Variants in PCDH7 observed in about 807,000 individuals in gnomAD.
PCDH7 encodes protocadherin-7.
In PCDH7, 17 loss-of-function variants were observed where a neutral mutation model predicts 58.9. The ratio of observed to expected loss-of-function variants is 0.29; its 90% CI spans 0.20 to 0.43. PCDH7 has a LOEUF of 0.43. Ranked by LOEUF, PCDH7 falls within the 20% of genes least tolerant of loss-of-function variation. PCDH7 has a pLI of 1.00. For synonymous variants in PCDH7, 664 were observed against 616.4 expected (o/e 1.08, Z -1.14); for missense variants, 1,274 against 1,441.0 (o/e 0.88, Z 1.88).
chr4:31,145,616 T>C (rs533513406), downstream of PCDH7: 1 of 152,238 alleles, frequency 6.6e-6, no homozygotes, highest in East Asian at 1.9e-4. Flanking sequence ...TATTTGTCCA[T>C]GTTTATTTTC....
chr4:31,089,295 A>C (rs1712910454), intron 3 of PCDH7, among the ~76,000 whole-genome samples: 1 of 152,124 alleles, frequency 6.6e-6, no homozygotes, highest in Admixed American at 6.6e-5. Context: ...ATATTTTAGG[A>C]ATAGAAAAAG....
At chr4:30,767,559 A>G (rs1186509500) in intron 1 of PCDH7, among the ~76,000 whole-genome samples, 3 of 152,206 alleles carry the variant, frequency 2.0e-5, no homozygotes, top group Non-Finnish European at 4.4e-5. Flanking sequence ...CAGGACAGAG[A>G]TGGTAACAAG....
intron 1 of PCDH7, among the ~76,000 whole-genome samples, chr4:30,741,793 G>A (rs545753974): frequency 2.0e-4 from 30 of 152,306 alleles, no homozygotes; most frequent in African/African-American, 7.2e-4. Context: ...AATCTGGCTC[G>A]ATTTGGAAAG....
intron 1 of PCDH7, among the ~76,000 whole-genome samples, chr4:30,752,312 TTAG>T (rs1425924292): frequency 6.6e-6 from 1 of 152,150 alleles, no homozygotes; most frequent in East Asian, 1.9e-4. Flanking sequence ...TTTCGTATTT[TTAG>T]TAGAGACGGG....
chr4:30,737,548 G>A (rs920905760), downstream of PCDH7, among the ~76,000 whole-genome samples: 27 of 152,270 alleles, frequency 1.8e-4, no homozygotes, highest in Middle Eastern at 3.4e-3. Flanking sequence ...GTGTGTGTGT[G>A]TGTGTGTATG....
downstream of PCDH7, among the ~76,000 whole-genome samples, chr4:30,736,948 C>T (rs1716390461): frequency 3.3e-5 from 5 of 152,158 alleles, no homozygotes; most frequent in African/African-American, 1.2e-4. Flanking sequence ...CCCTATTCTC[C>T]ATTCTGATTG....
At chr4:30,812,554 T>A (rs1348055173) in intron 1 of PCDH7, among the ~76,000 whole-genome samples, 4 of 152,134 alleles carry the variant, frequency 2.6e-5, no homozygotes, top group African/African-American at 9.6e-5. Context: ...GTAATACAAT[T>A]CATATTGATG....
intron 1 of PCDH7, among the ~76,000 whole-genome samples, chr4:30,739,326 T>C (rs928749596): frequency 6.6e-6 from 1 of 151,446 alleles, no homozygotes; most frequent in Non-Finnish European, 1.5e-5. Context: ...TTCTAAGAAG[T>C]ACCTTTCTAA....
chr4:30,856,938 T>A (rs945663667), intron 1 of PCDH7, among the ~76,000 whole-genome samples: 3 of 152,040 alleles, frequency 2.0e-5, no homozygotes, highest in African/African-American at 7.2e-5. Flanking sequence ...TTTTCTTTTT[T>A]TTTTAATCTT....
intron 1 of PCDH7, among the ~76,000 whole-genome samples, chr4:30,778,001 C>A (rs2109285432): frequency 6.6e-6 from 1 of 152,204 alleles, no homozygotes; most frequent in African/African-American, 2.4e-5. Flanking sequence ...ATAATATGAT[C>A]TATCCTTTTA....
intron 1 of PCDH7, among the ~76,000 whole-genome samples, chr4:30,917,050 T>C (rs1415785330): frequency 6.6e-6 from 1 of 152,224 alleles, no homozygotes; most frequent in Non-Finnish European, 1.5e-5. Flanking sequence ...ATTCATTCTC[T>C]GTCAGGAGTT....
chr4:31,107,182 C>A (rs61138265), intron 3 of PCDH7, among the ~76,000 whole-genome samples: 1 of 151,948 alleles, frequency 6.6e-6, no homozygotes, highest in African/African-American at 2.4e-5. Context: ...AAATTACCCA[C>A]GAAATTTTTT....
At chr4:31,132,523 A>G (rs1719117687) in intron 3 of PCDH7, among the ~76,000 whole-genome samples, 1 of 152,150 alleles carries the variant, frequency 6.6e-6, no homozygotes, top group African/African-American at 2.4e-5. Context: ...TACAGAACTA[A>G]TGAGTAAAAA....
chr4:31,113,117 G>C (rs1716530418), intron 3 of PCDH7, among the ~76,000 whole-genome samples: 1 of 151,958 alleles, frequency 6.6e-6, no homozygotes, highest in Non-Finnish European at 1.5e-5. Flanking sequence ...TCTTTTGTCT[G>C]TATTTAGAGA....
intron 1 of PCDH7, among the ~76,000 whole-genome samples, chr4:30,890,019 A>G (rs1164868527): frequency 6.6e-6 from 1 of 152,180 alleles, no homozygotes; most frequent in East Asian, 1.9e-4. Context: ...TAGTGAACAC[A>G]CAGGGATTAT....
chr4:31,005,818 C>A (rs1002598745), intron 3 of PCDH7, among the ~76,000 whole-genome samples: 1 of 152,228 alleles, frequency 6.6e-6, no homozygotes, highest in East Asian at 1.9e-4. Flanking sequence ...ATTAAAAATT[C>A]AGTTCCGTTT....
chr4:31,038,144 A>G (rs1337947666), intron 3 of PCDH7, among the ~76,000 whole-genome samples: 1 of 152,216 alleles, frequency 6.6e-6, no homozygotes, highest in Admixed American at 6.5e-5. Context: ...AAAGACAGGT[A>G]TTCTCAAGGG....
Position 30,721,678 on chromosome 4 carries a change from A to T in PCDH7, c.256A>T (p.Thr86Ser). 1.2e-6 allele frequency: 2 copies of T among 1,613,998 alleles called. No individual in the cohort carries two copies. Among genetic ancestry groups the T allele is most frequent in the Non-Finnish European group, 1.7e-6 (2 of 1,180,016 alleles). Residue 86 changes from threonine (T) to serine (S), a missense_variant, in exon 1 of 2, where the codon ACG becomes TCG. Physicochemically the swap from Thr to Ser is moderately conservative, Grantham distance 58. Transcript: ENST00000361762. This position sits in a 1 kb window ranked among gnomAD's most constrained non-coding sequence, Gnocchi z 6.7. ...CGACAACCTCACTGGCGAGCTGAGC[A>T]CGAGCGAGCGGCGCATCGACCGCGA...
intron 3 of PCDH7, among the ~76,000 whole-genome samples, chr4:31,001,849 A>T (rs1211098538): frequency 6.6e-6 from 1 of 152,164 alleles, no homozygotes; most frequent in Non-Finnish European, 1.5e-5. Context: ...ATTTACCCCT[A>T]CTTCTATGTT....
Sources: allele counts gnomAD v4.1 joint callset (sites outside exome capture counted in the v4.1 genomes callset), GRCh38; gene constraint gnomAD v4.1.1; non-coding constraint Gnocchi (gnomAD v3.1); transcripts MANE v1.5; gene names NCBI Gene and HGNC (gene_info 2026-07-23, HGNC 2026-07-21).